Variants in COLEC10 observed in about 807,000 individuals in gnomAD.
The protein encoded by COLEC10 is collectin subfamily member 10, also known as collectin-10.
A neutral mutation model predicts 28.4 loss-of-function variants in COLEC10; 22 were observed. The ratio of observed to expected loss-of-function variants is 0.78; its 90% CI spans 0.55 to 1.11. The LOEUF (loss-of-function observed/expected upper bound fraction) is 1.11, where lower values mean the gene tolerates loss of function less well. Among genes scored for constraint, COLEC10 ranks in the 50% least tolerant of loss-of-function variants. The probability of loss-of-function intolerance (pLI) is 0.00; values close to 1 mark genes in which losing one functional copy is unlikely to be tolerated. For synonymous variants in COLEC10, 125 were observed against 116.1 expected, an observed-to-expected ratio of 1.08 and a Z score of -0.49; for missense variants, 361 against 344.1, an observed-to-expected ratio of 1.05 and a Z score of -0.39.
At chr8:119,032,917 C>A (rs1236282007) in intron 2 of COLEC10, among the ~76,000 whole-genome samples, 4 of 152,150 alleles carry the variant, frequency 2.6e-5, no homozygotes, top group Non-Finnish European at 4.4e-5. Context: ...AAAGCCAAAC[C>A]AAACCAAAAC....
chr8:118,956,918 A>G, the COLEC10 span, among the ~76,000 whole-genome samples: 10,332 of 152,244 alleles, frequency 0.068, 390 homozygotes, highest in East Asian at 0.13. Flanking sequence ...AAAGTCCCCA[A>G]CTGGAACTAA....
the COLEC10 span, among the ~76,000 whole-genome samples, chr8:118,984,542 G>T: frequency 1.3e-5 from 2 of 152,056 alleles, no homozygotes; most frequent in Non-Finnish European, 2.9e-5. Flanking sequence ...CTGGATTAGG[G>T]TCATACTGGA....
chr8:118,964,383 CCA>C, the COLEC10 span, among the ~76,000 whole-genome samples: 1 of 152,140 alleles, frequency 6.6e-6, no homozygotes, highest in South Asian at 2.1e-4. Flanking sequence ...GGTGGTAATT[CCA>C]ACTTTGCCCC....
At chr8:119,105,143 C>G (rs898123190) in intron 5 of COLEC10, among the ~76,000 whole-genome samples, 2 of 152,118 alleles carry the variant, frequency 1.3e-5, no homozygotes. Flanking sequence ...AAGCATTTAC[C>G]ATTCCCATAA....
At chr8:119,060,048 C>T (rs984197238) in intron 2 of COLEC10, among the ~76,000 whole-genome samples, 2 of 152,048 alleles carry the variant, frequency 1.3e-5, no homozygotes, top group African/African-American at 4.8e-5. Flanking sequence ...TCTCAGCACA[C>T]CTACCCACAG....
chr8:119,051,933 A>C (rs138278549), intron 2 of COLEC10, among the ~76,000 whole-genome samples: 2,208 of 152,144 alleles, frequency 0.015, 163 homozygotes, highest in Admixed American at 0.11. Flanking sequence ...TCACTTAAAC[A>C]CTCTGTCTCA....
intron 2 of COLEC10, among the ~76,000 whole-genome samples, chr8:119,048,909 A>G (rs1315405325): frequency 6.6e-6 from 1 of 152,130 alleles, no homozygotes; most frequent in African/African-American, 2.4e-5. Context: ...AGGCTTGATT[A>G]TGTGATTGCT....
the COLEC10 span, among the ~76,000 whole-genome samples, chr8:118,963,720 T>C: frequency 6.6e-6 from 1 of 152,350 alleles, no homozygotes; most frequent in South Asian, 2.1e-4. Flanking sequence ...ATTTTATTTA[T>C]GTTATATTGC....
intron 2 of COLEC10, among the ~76,000 whole-genome samples, chr8:119,056,390 A>G (rs1814761926): frequency 6.6e-6 from 1 of 152,078 alleles, no homozygotes; most frequent in African/African-American, 2.4e-5. Flanking sequence ...TTTCTGGGAA[A>G]AACTCCTTAA....
the COLEC10 span, among the ~76,000 whole-genome samples, chr8:118,968,125 A>G: frequency 6.6e-6 from 1 of 151,902 alleles, no homozygotes; most frequent in Non-Finnish European, 1.5e-5. Flanking sequence ...TTGTGTTTAG[A>G]GGTTTTTTTT....
the COLEC10 span, among the ~76,000 whole-genome samples, chr8:118,970,345 T>A: frequency 1.3e-5 from 2 of 152,040 alleles, no homozygotes; most frequent in Non-Finnish European, 2.9e-5. Flanking sequence ...AGGCTCTCGA[T>A]GACTGTAGTT....
intron 1 of COLEC10, among the ~76,000 whole-genome samples, chr8:119,000,294 C>T (rs1359069920): frequency 1.3e-5 from 2 of 151,994 alleles, no homozygotes; most frequent in African/African-American, 4.8e-5. Context: ...AAAGGTGGTA[C>T]AGAGGAGAAT....
chr8:119,065,099 C>T (rs1814928148), upstream of COLEC10, among the ~76,000 whole-genome samples: 1 of 152,150 alleles, frequency 6.6e-6, no homozygotes, highest in Admixed American at 6.5e-5. Flanking sequence ...TGTTGAAGTT[C>T]TGATCCCCAA....
At chr8:118,975,604 T>G in the COLEC10 span, among the ~76,000 whole-genome samples, 1 of 152,074 alleles carries the variant, frequency 6.6e-6, no homozygotes, top group African/African-American at 2.4e-5. Flanking sequence ...CTATAACTGG[T>G]AAGGTCTCCT....
the COLEC10 span, among the ~76,000 whole-genome samples, chr8:118,970,630 T>G: frequency 3.3e-5 from 5 of 151,958 alleles, no homozygotes; most frequent in Non-Finnish European, 7.4e-5. Context: ...TTCTCTTTTT[T>G]TTTTTCAAAT....
intron 2 of COLEC10, among the ~76,000 whole-genome samples, chr8:119,014,337 G>T (rs1813951627): frequency 6.7e-6 from 1 of 149,648 alleles, no homozygotes; most frequent in African/African-American, 2.5e-5. Flanking sequence ...TAATTTCGCA[G>T]GGTACAGCAT....
At chr8:119,021,698 T>C (rs1218264350) in intron 2 of COLEC10, among the ~76,000 whole-genome samples, 1 of 152,156 alleles carries the variant, frequency 6.6e-6, no homozygotes, top group Admixed American at 6.6e-5. Flanking sequence ...TCAATGTCTT[T>C]TTCTAGATCC....
chr8:119,089,352 T>C (rs1394882512), intron 1 of COLEC10, among the ~76,000 whole-genome samples: 1 of 152,076 alleles, frequency 6.6e-6, no homozygotes, highest in Admixed American at 6.6e-5. Context: ...TGTGTGTTTG[T>C]GTAAATTTTA....
At chr8:118,977,752 T>A in the COLEC10 span, among the ~76,000 whole-genome samples, 76 of 130,298 alleles carry the variant, frequency 5.8e-4, 2 homozygotes, top group African/African-American at 2.3e-3. Context: ...ATAATAATAA[T>A]AAATAAATAA....
Sources: allele counts gnomAD v4.1 joint callset (sites outside exome capture counted in the v4.1 genomes callset), GRCh38; gene constraint gnomAD v4.1.1; transcripts MANE v1.5; gene names NCBI Gene and HGNC (gene_info 2026-07-23, HGNC 2026-07-21).